The following HERC3 variants were observed in gnomAD, a reference collection of about 807,000 sequenced individuals.
HERC3 encodes the protein probable E3 ubiquitin-protein ligase HERC3.
Under a neutral mutation model 129.9 loss-of-function variants are expected in HERC3, and 58 were observed. That is an observed-to-expected ratio of 0.45 (90% CI 0.36 to 0.56). The LOEUF (loss-of-function observed/expected upper bound fraction) is 0.56, where lower values mean the gene tolerates loss of function less well. Ranked by LOEUF, HERC3 falls within the 20% of genes least tolerant of loss-of-function variation. The pLI, the probability that HERC3 is intolerant of heterozygous loss-of-function variation, is 0.00. For synonymous variants in HERC3, 430 were observed against 451.0 expected (o/e 0.95, Z 0.59); for missense variants, 835 against 1,244.2 (o/e 0.67, Z 4.95).
intron 21 of HERC3, among the ~76,000 whole-genome samples, chr4:88,682,830 A>G (rs1560759354): frequency 1.3e-5 from 2 of 152,034 alleles, no homozygotes; most frequent in South Asian, 2.1e-4. Context: ...TCCTTTGGGT[A>G]TATACCCAGT....
At chr4:88,618,178 C>T (rs1257480910) in intron 3 of HERC3, among the ~76,000 whole-genome samples, 1 of 152,138 alleles carries the variant, frequency 6.6e-6, no homozygotes, top group Non-Finnish European at 1.5e-5. Context: ...CTTTGAGGTG[C>T]TATGTAATAG....
chr4:88,568,309 G>T, the HERC3 span, among the ~76,000 whole-genome samples: 1 of 152,128 alleles, frequency 6.6e-6, no homozygotes, highest in Non-Finnish European at 1.5e-5. Context: ...AAGGCCCAAG[G>T]GCTCTTCAGT....
At chr4:88,536,680 C>T in the HERC3 span, among the ~76,000 whole-genome samples, 1 of 152,242 alleles carries the variant, frequency 6.6e-6, no homozygotes, top group East Asian at 1.9e-4. Context: ...TGTTGTTCCT[C>T]TTAACTTGCC....
the HERC3 span, among the ~76,000 whole-genome samples, chr4:88,530,255 ACT>A: frequency 6.6e-6 from 1 of 151,958 alleles, no homozygotes; most frequent in African/African-American, 2.4e-5. Context: ...GTGCCACTGC[ACT>A]CCAGCCTAGG....
chr4:88,693,440 A>G (rs1366030046), intron 23 of HERC3: 2 of 973,440 alleles, frequency 2.1e-6, no homozygotes, highest in Non-Finnish European at 2.4e-6. Flanking sequence ...TATTCTTTAA[A>G]AAAAAAGTTG....
intron 21 of HERC3, among the ~76,000 whole-genome samples, chr4:88,685,400 T>C (rs1043546515): frequency 2.0e-5 from 3 of 152,204 alleles, no homozygotes; most frequent in Non-Finnish European, 2.9e-5. Context: ...ATACACACCA[T>C]GGAATACTAT....
intron 23 of HERC3, among the ~76,000 whole-genome samples, chr4:88,695,680 G>C (rs1734532028): frequency 6.6e-6 from 1 of 152,136 alleles, no homozygotes; most frequent in African/African-American, 2.4e-5. Flanking sequence ...AATAATAATA[G>C]CTAAGAATTA....
At chr4:88,695,901 G>A (rs927248834) in intron 23 of HERC3, 5 of 152,590 alleles carry the variant, frequency 3.3e-5, no homozygotes, top group Non-Finnish European at 5.9e-5. Context: ...TCACAGTACC[G>A]AGTCTTTTAT....
At chr4:88,700,505 A>G (rs969596783) in intron 23 of HERC3, among the ~76,000 whole-genome samples, 3 of 152,146 alleles carry the variant, frequency 2.0e-5, no homozygotes, top group Non-Finnish European at 2.9e-5. Context: ...AGCTATTTCT[A>G]CCAATAGTCC....
intron 4 of HERC3, among the ~76,000 whole-genome samples, chr4:88,651,591 G>T (rs746487472): frequency 6.6e-6 from 1 of 152,298 alleles, no homozygotes; most frequent in Non-Finnish European, 1.5e-5. Context: ...CCCACCTCAA[G>T]GGTACAATTT....
chr4:88,661,991 C>A (rs540122164), intron 10 of HERC3, among the ~76,000 whole-genome samples: 1 of 152,064 alleles, frequency 6.6e-6, no homozygotes, highest in South Asian at 2.1e-4. Flanking sequence ...GAAACAGACC[C>A]GAGACTCAAA....
intron 23 of HERC3, among the ~76,000 whole-genome samples, chr4:88,691,007 T>C (rs1734017443): frequency 6.6e-6 from 1 of 152,158 alleles, no homozygotes; most frequent in Non-Finnish European, 1.5e-5. Flanking sequence ...AGAAGTCAGC[T>C]TGGACAGATG....
At chr4:88,653,331 G>T (rs1008118174) in intron 6 of HERC3, among the ~76,000 whole-genome samples, 3 of 152,192 alleles carry the variant, frequency 2.0e-5, no homozygotes, top group African/African-American at 7.2e-5. Context: ...GGTGGGGAAG[G>T]GCCCCTCTGA....
chr4:88,649,712 C>G (rs1578240630), intron 3 of HERC3, 128 bp from the exon 4 acceptor site: 1 of 721,756 alleles, frequency 1.4e-6, no homozygotes, highest in Admixed American at 2.9e-5. Flanking sequence ...TTTATAATCT[C>G]TATAAATATT....
chr4:88,593,193 T>C (rs1389753501), intron 1 of HERC3: 1 of 151,882 alleles, frequency 6.6e-6, no homozygotes, highest in Admixed American at 6.5e-5. Flanking sequence ...CCGGGCCGGC[T>C]CGCCTCTCCC....
the HERC3 span, among the ~76,000 whole-genome samples, chr4:88,564,703 G>A: frequency 2.0e-5 from 3 of 151,938 alleles, no homozygotes; most frequent in African/African-American, 7.2e-5. Context: ...GTTGATTTCA[G>A]TATTTTTAAG....
chr4:88,657,904 G>T (rs552684015), intron 9 of HERC3, among the ~76,000 whole-genome samples: 2 of 151,988 alleles, frequency 1.3e-5, no homozygotes, highest in East Asian at 1.9e-4. Flanking sequence ...GGCAGCAGAG[G>T]GGGGAGGCAC....
At chr4:88,589,738 A>G (rs1721615056), upstream of HERC3, among the ~76,000 whole-genome samples, 1 of 152,342 alleles carries the variant, frequency 6.6e-6, no homozygotes, top group East Asian at 1.9e-4. Context: ...GAAGCAGGAC[A>G]TGCTTGCTAA....
the HERC3 span, among the ~76,000 whole-genome samples, chr4:88,548,965 TTTTCAC>T: frequency 5.3e-5 from 8 of 152,292 alleles, no homozygotes; most frequent in African/African-American, 1.7e-4. Flanking sequence ...CCGGCCCATC[TTTTCAC>T]TTTCTTAATG....
Sources: gnomAD v4.1 joint callset for allele counts (sites outside exome capture counted in the v4.1 genomes callset) on GRCh38, gnomAD v4.1.1 for gene constraint, MANE v1.5 for transcripts, NCBI Gene and HGNC (gene_info 2026-07-23, HGNC 2026-07-21) for gene names.